VIPR1: variants seen among roughly 807,000 people sequenced by gnomAD.
VIPR1 encodes vasoactive intestinal peptide receptor 1.
Under a neutral mutation model 58.8 loss-of-function variants are expected in VIPR1, and 59 were observed. The observed-to-expected ratio is 1.00, with a 90% confidence interval of 0.81 to 1.25. The LOEUF is 1.25. VIPR1 is among the 50% of genes most tolerant of loss of function. The probability of loss-of-function intolerance (pLI) is 0.00; values close to 1 mark genes in which losing one functional copy is unlikely to be tolerated. For missense variants in VIPR1, 626 were observed against 602.7 expected, an observed-to-expected ratio of 1.04 and a Z score of -0.40; for synonymous variants, 251 against 242.1, an observed-to-expected ratio of 1.04 and a Z score of -0.34.
chr3:42,490,132 C>A (rs1699640485), intron 1 of VIPR1, among the ~76,000 whole-genome samples: 1 of 152,152 alleles, frequency 6.6e-6, no homozygotes. Flanking sequence ...GTTCAGCTTC[C>A]TCCTTGCTCC....
At chr3:42,489,832 G>C (rs1293261681) in intron 1 of VIPR1, among the ~76,000 whole-genome samples, 1 of 152,080 alleles carries the variant, frequency 6.6e-6, no homozygotes, top group African/African-American at 2.4e-5. Context: ...GCCCTCCGCT[G>C]GTGGCCAGTT....
chr3:42,522,373 C>T (rs572401310), intron 3 of VIPR1, among the ~76,000 whole-genome samples: 1 of 152,072 alleles, frequency 6.6e-6, no homozygotes, highest in East Asian at 1.9e-4. Context: ...TCCCAAAGTG[C>T]TGGGATTATA....
chr3:42,509,652 T>C (rs888385126), intron 1 of VIPR1: 2 of 152,218 alleles, frequency 1.3e-5, no homozygotes, highest in Non-Finnish European at 1.5e-5. Flanking sequence ...GCACCTTCTT[T>C]GGGGCAGGAG....
intron 6 of VIPR1, chr3:42,530,096 C>G (rs1176275119): frequency 6.5e-6 from 1 of 153,158 alleles, no homozygotes; most frequent in Non-Finnish European, 1.5e-5. Context: ...AAGAATTCTC[C>G]CTCATACCTT....
intron 10 of VIPR1, chr3:42,533,565 T>G (rs879539713): frequency 6.6e-6 from 1 of 152,022 alleles, no homozygotes; most frequent in Non-Finnish European, 1.5e-5. Context: ...CAAACAGAGC[T>G]GGCCATGGTC....
intron 2 of VIPR1, among the ~76,000 whole-genome samples, chr3:42,517,671 G>T (rs922769341): frequency 3.3e-5 from 5 of 152,146 alleles, no homozygotes; most frequent in African/African-American, 1.2e-4. Context: ...GGGAATCTGT[G>T]TTGTTCAAGA....
intron 1 of VIPR1, chr3:42,511,719 G>T (rs940005181): frequency 6.6e-6 from 1 of 152,212 alleles, no homozygotes; most frequent in African/African-American, 2.4e-5. Context: ...TGGTACCTTG[G>T]TGAGAAATGT....
upstream of VIPR1, among the ~76,000 whole-genome samples, chr3:42,501,011 C>A (rs1170340411): frequency 6.6e-6 from 1 of 151,938 alleles, no homozygotes; most frequent in South Asian, 2.1e-4. This position sits in a 1 kb window ranked among gnomAD's most constrained non-coding sequence, Gnocchi z 4.8. Flanking sequence ...GCCTGGCACA[C>A]AGAAAGAGAT....
At position 42,528,122 on chromosome 3, in the gene VIPR1, C is replaced by G. The variant is rs534717289; in HGVS notation, c.635C>G (p.Ser212Trp). 10 of 1,612,950 alleles carry G rather than the reference C, an allele frequency of 6.2e-6. No homozygotes were observed. In the East Asian group the frequency reaches 1.6e-4, roughly 25 times the overall value. The change falls in exon 6 of 13, where the codon TCG becomes TGG. Residue 212 changes from serine to tryptophan, a missense_variant and splice_region_variant. Coordinates refer to ENST00000325123, the MANE Select transcript of VIPR1 (RefSeq NM_004624.4). ...SGESDQCSEG[S>W]VGCKAAMVFF... ...GAGTCGGACCAGTGCTCCGAGGGCT[C>G]GGTGAGGATCCTGGCCCTGGCCCAC...
chr3:42,508,520 T>G (rs1700223126), intron 1 of VIPR1, among the ~76,000 whole-genome samples: 1 of 152,190 alleles, frequency 6.6e-6, no homozygotes, highest in Non-Finnish European at 1.5e-5. Context: ...GACAGCTCAG[T>G]GAATTGTCAC....
At chr3:42,490,177 G>A (rs914608724) in intron 1 of VIPR1, among the ~76,000 whole-genome samples, 5 of 152,106 alleles carry the variant, frequency 3.3e-5, no homozygotes, top group Non-Finnish European at 5.9e-5. Flanking sequence ...GCAAGACAGA[G>A]GACAGACAGG....
chr3:42,502,930 G>A (rs1699936866), intron 1 of VIPR1, 117 bp downstream of exon 1: 1 of 800,494 alleles, frequency 1.2e-6, no homozygotes, highest in Non-Finnish European at 1.7e-6. Context: ...AGAGGAATAG[G>A]GGACATCAAG....
chr3:42,527,901 G>T, intron 5 of VIPR1, 90 bp from the exon 6 acceptor site: 1 of 1,542,318 alleles, frequency 6.5e-7, no homozygotes, highest in Non-Finnish European at 8.8e-7. Context: ...ATGCTCCCCT[G>T]CCCCACCCTT....
rs746503635 is a variant in VIPR1, at chr3:42,537,016, C to T, written c.*735C>T. On this transcript the variant is annotated 3_prime_UTR_variant, in exon 13 of 13. Coordinates refer to ENST00000325123, the MANE Select transcript of VIPR1 (RefSeq NM_004624.4). ...GCAGCCACCAGCGAATGCTAGGTCT[C>T]GGACTAAGCCTACCTGCTCTCCAAG... 7 of 152,230 alleles carry T rather than the reference C, an allele frequency of 4.6e-5. No individual in the cohort carries two copies. Among genetic ancestry groups the T allele is most frequent in the Admixed American group, 6.5e-5 (1 of 15,286 alleles). The allele number at this position is 152,230 out of a possible 1,614,324, so 9.4% of individuals were successfully genotyped here.
chr3:42,519,516 A>G, intron 3 of VIPR1, 186 bp downstream of exon 3: 1 of 484,278 alleles, frequency 2.1e-6, no homozygotes. Context: ...AGCTCTTCAC[A>G]TAAAGATAAG....
At chr3:42,526,997 G>C (rs1701268123) in intron 4 of VIPR1, among the ~76,000 whole-genome samples, 1 of 152,120 alleles carries the variant, frequency 6.6e-6, no homozygotes, top group Non-Finnish European at 1.5e-5. Context: ...GCCTCGAGGG[G>C]TGTCTGAAGG....
intron 1 of VIPR1, chr3:42,513,442 C>G (rs1700458053): frequency 3.0e-6 from 1 of 329,008 alleles, no homozygotes; most frequent in African/African-American, 2.1e-5. Context: ...GCTCAGGCCT[C>G]TAAGGGGAGG....
At chr3:42,492,615 T>A (rs1465233618) in intron 1 of VIPR1, 1 of 152,344 alleles carries the variant, frequency 6.6e-6, no homozygotes, top group Admixed American at 6.5e-5. Flanking sequence ...CGGAAATGAT[T>A]CCCCTCACTG....
Position 42,513,865 on chromosome 3 carries a change from C to G in VIPR1, c.184+11C>G. Reference sequence around the variant, plus strand: ...AGAATGAGACAATAGGTGAGGCCCCCATGGGCAGAGAGGGGCTGCATGCCC... The same window carrying G: ...AGAATGAGACAATAGGTGAGGCCCCGATGGGCAGAGAGGGGCTGCATGCCC... On this transcript the variant is annotated intron_variant, in intron 2 of 12. Transcript: ENST00000325123. The G allele has an allele frequency of 6.4e-7, 1 of 1,551,166 alleles. No individual in the cohort carries two copies. Among genetic ancestry groups the G allele is most frequent in the Non-Finnish European group, 8.7e-7 (1 of 1,146,584 alleles).
Sources: allele counts gnomAD v4.1 joint callset (sites outside exome capture counted in the v4.1 genomes callset), GRCh38; gene constraint gnomAD v4.1.1; non-coding constraint Gnocchi (gnomAD v3.1); transcripts MANE v1.5; gene names NCBI Gene and HGNC (gene_info 2026-07-23, HGNC 2026-07-21).